SPTBN1: variants seen among roughly 807,000 people sequenced by gnomAD.
SPTBN1 encodes spectrin beta chain, non-erythrocytic 1.
A neutral mutation model predicts 266.4 loss-of-function variants in SPTBN1; 32 were observed. That is an observed-to-expected ratio of 0.12 (90% confidence interval 0.09 to 0.16). SPTBN1 has a LOEUF of 0.16. Among genes scored for constraint, SPTBN1 ranks in the 10% least tolerant of loss-of-function variants. The pLI, the probability that SPTBN1 is intolerant of heterozygous loss-of-function variation, is 1.00. For missense variants in SPTBN1, 2,296 were observed against 3,067.1 expected (o/e 0.75, Z 5.94); for synonymous variants, 1,336 against 1,162.2 (o/e 1.15, Z -3.04).
chr2:54,557,956 G>A, intron 2 of SPTBN1: 1 of 985,098 alleles, frequency 1.0e-6, no homozygotes, highest in Middle Eastern at 5.2e-4. Flanking sequence ...GCGCGCCCAG[G>A]TGCGGGCCGC....
chr2:54,639,525 G>A (rs1173221543), intron 18 of SPTBN1, among the ~76,000 whole-genome samples: 1 of 152,248 alleles, frequency 6.6e-6, no homozygotes, highest in Non-Finnish European at 1.5e-5. Context: ...AGTGAGCAAT[G>A]AGTGGCCAGG....
At chr2:54,648,952 C>T (rs747558887) in intron 24 of SPTBN1, 34 bp from the exon 25 acceptor site, 2 of 1,527,222 alleles carry the variant, frequency 1.3e-6, no homozygotes, top group South Asian at 1.2e-5. Flanking sequence ...CATTTAAGAT[C>T]CTTTTTCTCC....
chr2:54,466,867 G>A (rs1410192916), intron 1 of SPTBN1, among the ~76,000 whole-genome samples: 1 of 152,114 alleles, frequency 6.6e-6, no homozygotes. Context: ...TTACGGAAAA[G>A]CAGTATTAAT....
At chr2:54,614,347 G>C (rs1473557956) in intron 4 of SPTBN1, among the ~76,000 whole-genome samples, 2 of 152,064 alleles carry the variant, frequency 1.3e-5, no homozygotes, top group Non-Finnish European at 2.9e-5. Context: ...CCTTCCACCA[G>C]CTCCTGAATA....
chr2:54,526,347 A>G, intron 1 of SPTBN1, 25 bp from the exon 2 acceptor site: 1 of 1,581,116 alleles, frequency 6.3e-7, no homozygotes, highest in Non-Finnish European at 8.6e-7. Context: ...AGACGTCTAA[A>G]TGTTTTTCCT....
At chr2:54,663,896 G>A (rs530569862) in intron 32 of SPTBN1, 1 of 152,348 alleles carries the variant, frequency 6.6e-6, no homozygotes, top group South Asian at 2.1e-4. Flanking sequence ...ATTTCTGCAT[G>A]TGTTTATGAC....
intron 2 of SPTBN1, among the ~76,000 whole-genome samples, chr2:54,576,302 C>A (rs915051809): frequency 6.6e-6 from 1 of 152,060 alleles, no homozygotes; most frequent in African/African-American, 2.4e-5. Flanking sequence ...GATCCACCCA[C>A]CTCGGCCTCC....
chr2:54,621,302 T>G (rs1056536303), intron 7 of SPTBN1, 98 bp from the exon 8 acceptor site: 18 of 771,592 alleles, frequency 2.3e-5, no homozygotes, highest in Non-Finnish European at 3.7e-5. Flanking sequence ...GACGCTGAAC[T>G]GTTCCATGTT....
At chr2:54,484,202 C>T (rs545065663) in intron 1 of SPTBN1, among the ~76,000 whole-genome samples, 1 of 152,182 alleles carries the variant, frequency 6.6e-6, no homozygotes, top group East Asian at 1.9e-4. Flanking sequence ...AAAACAAAAC[C>T]AAATATGTCT....
intron 8 of SPTBN1, 77 bp downstream of exon 8, chr2:54,621,589 A>G: frequency 1.6e-6 from 2 of 1,228,866 alleles, no homozygotes; most frequent in Non-Finnish European, 2.4e-6. Context: ...TGCACTCATA[A>G]AATTTGCCAA....
At chr2:54,654,231 T>G (rs554057921) in intron 27 of SPTBN1, among the ~76,000 whole-genome samples, 17 of 152,298 alleles carry the variant, frequency 1.1e-4, no homozygotes, top group Non-Finnish European at 1.5e-5. Flanking sequence ...CTTTTCTGAG[T>G]TATTTTTCTG....
At chr2:54,598,005 A>G (rs1676216169) in intron 2 of SPTBN1, among the ~76,000 whole-genome samples, 1 of 151,916 alleles carries the variant, frequency 6.6e-6, no homozygotes, top group African/African-American at 2.4e-5. Flanking sequence ...CATAGAGAAC[A>G]GAGTCAGGGA....
At chr2:54,485,399 G>T (rs1216794250) in intron 1 of SPTBN1, among the ~76,000 whole-genome samples, 1 of 151,704 alleles carries the variant, frequency 6.6e-6, no homozygotes, top group Non-Finnish European at 1.5e-5. Flanking sequence ...CACTGTGTTG[G>T]CCGGGCTGGT....
chr2:54,631,696 T>G, intron 16 of SPTBN1, 85 bp downstream of exon 16: 2 of 1,495,782 alleles, frequency 1.3e-6, no homozygotes, highest in Non-Finnish European at 9.0e-7. Flanking sequence ...GCAGCTGGTT[T>G]AAACCACACC....
At chr2:54,658,510 A>C (rs1225403587) in intron 30 of SPTBN1, among the ~76,000 whole-genome samples, 1 of 152,154 alleles carries the variant, frequency 6.6e-6, no homozygotes, top group Non-Finnish European at 1.5e-5. Context: ...GGATTTGTGC[A>C]CTGGTGTTTC....
rs747822108 is a variant in SPTBN1, at chr2:54,670,457, T to G, written c.*1888T>G. On this transcript the variant is annotated 3_prime_UTR_variant, in exon 36 of 36. Coordinates refer to ENST00000356805, the MANE Select transcript of SPTBN1 (RefSeq NM_003128.3). ...TCCACAGCTGCGTGGCATCAAAGCT[T>G]TCTCTTAACTCTCTTACCTCTAGGC... 2.7e-6 allele frequency: 1 copy of G among 376,582 alleles called. No homozygotes were observed. The allele number at this position is 376,582 out of a possible 1,614,324, so 23.3% of individuals were successfully genotyped here. A position where few individuals can be genotyped will look rare whatever the true frequency, so the allele number is the denominator to read the frequency against.
At chr2:54,665,783 G>C in intron 33 of SPTBN1, 132 bp from the exon 34 acceptor site, 1 of 1,057,772 alleles carries the variant, frequency 9.5e-7, no homozygotes, top group Non-Finnish European at 1.4e-6. Context: ...TTGTAATAAG[G>C]AAGGTTGAGG....
intron 32 of SPTBN1, chr2:54,663,637 C>T (rs530370402): frequency 9.2e-5 from 14 of 152,268 alleles, no homozygotes; most frequent in African/African-American, 2.4e-4. Context: ...CAGCAAGGCA[C>T]CGTGATCAAC....
intron 2 of SPTBN1, among the ~76,000 whole-genome samples, chr2:54,542,306 A>G (rs1018789753): frequency 2.0e-5 from 3 of 152,244 alleles, no homozygotes; most frequent in Non-Finnish European, 2.9e-5. Context: ...ATGCATGGCT[A>G]TGTCGAGATG....
Sources: allele counts gnomAD v4.1 joint callset (sites outside exome capture counted in the v4.1 genomes callset), GRCh38; gene constraint gnomAD v4.1.1; transcripts MANE v1.5; gene names NCBI Gene and HGNC (gene_info 2026-07-23, HGNC 2026-07-21).